The following H2BC1 variants were observed in gnomAD, a reference collection of about 807,000 sequenced individuals.
The protein encoded by H2BC1 is histone H2B type 1-A.
H2BC1 carries 5 observed loss-of-function variants against 5.4 expected under a neutral mutation model. The ratio of observed to expected loss-of-function variants is 0.92; its 90% CI spans 0.48 to 1.94. H2BC1 has a LOEUF of 1.94. Ranked by LOEUF, H2BC1 falls within the 30% of genes most tolerant of loss-of-function variation. H2BC1 has a pLI of 0.01. For synonymous variants in H2BC1, 131 were observed against 58.2 expected (o/e 2.25, Z -5.69); for missense variants, 210 against 159.1 (o/e 1.32, Z -1.72).
rs763918061 is a variant in H2BC1 at position 25,727,004 on chromosome 6, G to A, written c.96G>A (p.Lys32=). Residue 32 remains lysine, a synonymous_variant, in exon 1 of 1, where the codon AAG becomes AAA. Transcript: ENST00000274764. ...AGAAAAAGGAAGGCAAAAAGCGCAA[G>A]AGGACCCGTAAGGAGAGTTATTCTA... The part of the protein sequence containing the change: ...KTQKKEGKKR[K]RTRKESYSIY... 9 of 1,614,200 alleles carry A rather than the reference G, an allele frequency of 5.6e-6. No individual in the cohort carries two copies. Among genetic ancestry groups the A allele is most frequent in the South Asian group, 1.1e-5 (1 of 91,074 alleles).
Position 25,726,798 on chromosome 6 carries a change from T to TA in H2BC1, c.-111_-110insA. 3 of 1,347,764 alleles carry TA rather than the reference T, an allele frequency of 2.2e-6. No homozygotes were observed. Among genetic ancestry groups the TA allele is most frequent in the Non-Finnish European group, 3.0e-6 (3 of 983,966 alleles). The allele number at this position is 1,347,764 out of a possible 1,614,324, so 83.5% of individuals were successfully genotyped here. A position where few individuals can be genotyped will look rare whatever the true frequency, so the allele number is the denominator to read the frequency against. ...TTCTGTTTGTTTACTTGGCGAGACT[T>TA]GGAGCTGAGGTCATTTGGAGCTGTT... On this transcript the variant is annotated 5_prime_UTR_variant, in exon 1 of 1. Coordinates refer to ENST00000274764, the MANE Select transcript of H2BC1 (RefSeq NM_170610.3).
Position 25,727,027 on chromosome 6 carries a change from C to G in H2BC1, c.119C>G (p.Ser40Cys), listed in dbSNP as rs199691595. Residue 40 changes from serine (S) to cysteine (C), a missense_variant, in exon 1 of 1, where the codon TCT (serine) becomes TGT (cysteine). Ser to Cys is a moderately radical substitution (Grantham distance 112). Transcript: ENST00000274764. ...AAGAGGACCCGTAAGGAGAGTTATTCTATTTACATCTACAAAGTGCTAAAG... is the reference window on the plus strand; with the variant it reads ...AAGAGGACCCGTAAGGAGAGTTATTGTATTTACATCTACAAAGTGCTAAAG... ...KRKRTRKESY[S>C]IYIYKVLKQV... 56 of 1,614,088 alleles carry G rather than the reference C, an allele frequency of 3.5e-5. No individual in the cohort carries two copies. The highest frequency in any genetic ancestry group is 3.3e-5 in the Non-Finnish European group (39 of 1,180,038).
rs781045546 is a variant in H2BC1, at chr6:25,726,997, A to G, written c.89A>G (p.Lys30Arg). 146 of 1,614,122 alleles carry G rather than the reference A, an allele frequency of 9.0e-5. No homozygotes were observed. The highest frequency in any genetic ancestry group is 1.2e-4 in the Non-Finnish European group (145 of 1,180,046). The change falls in exon 1 of 1, where the codon AAG (lysine) becomes AGG (arginine). Residue 30 changes from lysine (K) to arginine (R), a missense_variant. By Grantham distance (26) the Lys-to-Arg change is conservative. Transcript: ENST00000274764. ...AAGACCCAGAAAAAGGAAGGCAAAAAGCGCAAGAGGACCCGTAAGGAGAGT... is the reference window on the plus strand; with the variant it reads ...AAGACCCAGAAAAAGGAAGGCAAAAGGCGCAAGAGGACCCGTAAGGAGAGT... Reference protein sequence around the residue: ...VVKTQKKEGKKRKRTRKESYS... With the variant: ...VVKTQKKEGKRRKRTRKESYS...
rs754684914 is a variant in H2BC1, at chr6:25,726,874, A to AT, written c.-35_-34insT. The AT allele has an allele frequency of 1.4e-5, 22 of 1,577,934 alleles. No homozygotes were observed. In the East Asian group the frequency reaches 2.7e-4, roughly 19 times the overall value. Reference sequence around the variant, plus strand: ...GGAAAGTGCTGTGTAACCCTGGAAAAGAACCGTGTAACGCTGCAGAAGTGT... The same window carrying AT: ...GGAAAGTGCTGTGTAACCCTGGAAAATGAACCGTGTAACGCTGCAGAAGTGT... On this transcript the variant is annotated 5_prime_UTR_variant, in exon 1 of 1. The change creates a new upstream start codon in the 5' untranslated region. Transcript: ENST00000274764.
Position 25,726,825 on chromosome 6 carries a change from A to AGTT in H2BC1, c.-84_-83insGTT. ...GAGCTGAGGTCATTTGGAGCTGTTT[A>AGTT]ATACTGAAGAGCTGTTGAGCACTGG... On this transcript the variant is annotated 5_prime_UTR_variant, in exon 1 of 1. Coordinates refer to ENST00000274764, the MANE Select transcript of H2BC1 (RefSeq NM_170610.3). 3 of 1,468,550 alleles carry AGTT rather than the reference A, an allele frequency of 2.0e-6. No individual in the cohort carries two copies. Among genetic ancestry groups the AGTT allele is most frequent in the Non-Finnish European group, 2.8e-6 (3 of 1,088,790 alleles). The allele number at this position is 1,468,550 out of a possible 1,614,324, so 91.0% of individuals were successfully genotyped here.
chr6:25,726,816 G>A lies in H2BC1; in HGVS notation c.-93G>A. ...CGAGACTTGGAGCTGAGGTCATTTGGAGCTGTTTAATACTGAAGAGCTGTT... is the reference window on the plus strand; with the variant it reads ...CGAGACTTGGAGCTGAGGTCATTTGAAGCTGTTTAATACTGAAGAGCTGTT... On this transcript the variant is annotated 5_prime_UTR_variant, in exon 1 of 1. Coordinates refer to ENST00000274764, the MANE Select transcript of H2BC1 (RefSeq NM_170610.3). 7.0e-7 allele frequency: 1 copy of A among 1,419,438 alleles called. No individual in the cohort carries two copies. The highest frequency in any genetic ancestry group is 1.4e-5 in the South Asian group (1 of 71,206). The allele number at this position is 1,419,438 out of a possible 1,614,324, so 87.9% of individuals were successfully genotyped here.
rs768669736 is a variant in H2BC1 at position 25,727,324 on chromosome 6, A to G, written c.*32A>G. The stretch of plus-strand genomic sequence containing the variant: ...TAAGTAAACGTCATTTCTAACCCAA[A>G]GGCTCTTTTCAGAGCCACTTAAACA... On this transcript the variant is annotated 3_prime_UTR_variant, in exon 1 of 1. Transcript: ENST00000274764. 3 of 1,545,774 alleles carry G rather than the reference A, an allele frequency of 1.9e-6. No homozygotes were observed.
In H2BC1 at chr6:25,727,293, G is replaced by A. The variant is rs1273359871; in HGVS notation, c.*1G>A. 4 of 1,587,908 alleles carry A rather than the reference G, an allele frequency of 2.5e-6. No homozygotes were observed. Among genetic ancestry groups the A allele is most frequent in the East Asian group, 2.2e-5 (1 of 44,472 alleles). Reference sequence around the variant, plus strand: ...CACTAAGTACACCAGCTCCAAGTAAGCCTGCTAAGTAAACGTCATTTCTAA... The same window carrying A: ...CACTAAGTACACCAGCTCCAAGTAAACCTGCTAAGTAAACGTCATTTCTAA... On this transcript the variant is annotated 3_prime_UTR_variant, in exon 1 of 1. Coordinates refer to ENST00000274764, the MANE Select transcript of H2BC1 (RefSeq NM_170610.3).
chr6:25,727,053 C>T lies in H2BC1; in HGVS notation c.145C>T (p.Gln49Ter), dbSNP rs1760281412. 6.2e-7 allele frequency: 1 copy of T among 1,614,250 alleles called. No individual in the cohort carries two copies. The highest frequency in any genetic ancestry group is 1.3e-5 in the African/African-American group (1 of 75,078). The change falls in exon 1 of 1, where the codon CAG becomes TAG. Residue 49 changes from glutamine to a stop codon, truncating the protein, a stop_gained. Transcript: ENST00000274764. LOFTEE classifies it high-confidence loss of function. ...TATTTACATCTACAAAGTGCTAAAG[C>T]AGGTCCATCCGGACACTGGCATCTC... ...YSIYIYKVLK[Q>*]VHPDTGISSK... is the part of the protein sequence containing the mutation.
In H2BC1 at chr6:25,726,803, C is replaced by G. The variant is rs368330635; in HGVS notation, c.-106C>G. 21 of 1,363,068 alleles carry G rather than the reference C, an allele frequency of 1.5e-5. No homozygotes were observed. The highest frequency in any genetic ancestry group is 1.4e-4 in the East Asian group (6 of 43,310). 84.4% of individuals were successfully genotyped at this position (1,363,068 alleles called of 1,614,324 possible). A position where few individuals can be genotyped will look rare whatever the true frequency, so the allele number is the denominator to read the frequency against. On this transcript the variant is annotated 5_prime_UTR_variant, in exon 1 of 1. Transcript: ENST00000274764. ...TTTGTTTACTTGGCGAGACTTGGAG[C>G]TGAGGTCATTTGGAGCTGTTTAATA...
Position 25,727,333 on chromosome 6 carries a change from T to C in H2BC1, c.*41T>C, listed in dbSNP as rs1333063525. On this transcript the variant is annotated 3_prime_UTR_variant, in exon 1 of 1. Transcript: ENST00000274764. ...GTCATTTCTAACCCAAAGGCTCTTT[T>C]CAGAGCCACTTAAACATACTGAAAC... 6.6e-7 allele frequency: 1 copy of C among 1,524,412 alleles called. No homozygotes were observed. Among genetic ancestry groups the C allele is most frequent in the Non-Finnish European group, 8.8e-7 (1 of 1,132,430 alleles). 94.4% of individuals were successfully genotyped at this position (1,524,412 alleles called of 1,614,324 possible).
At position 25,726,951 on chromosome 6, in the gene H2BC1, G is replaced by T; in HGVS notation, c.43G>T (p.Gly15Cys). The part of the protein sequence containing the change: ...SSKGATISKK[G>C]FKKAVVKTQK... ...TAAAGGTGCTACCATTTCCAAGAAGGGCTTTAAGAAAGCTGTCGTTAAGAC... is the reference window on the plus strand; with the variant it reads ...TAAAGGTGCTACCATTTCCAAGAAGTGCTTTAAGAAAGCTGTCGTTAAGAC... The change falls in exon 1 of 1, where the codon GGC becomes TGC. Residue 15 changes from glycine (G) to cysteine (C), a missense_variant. By Grantham distance (159) the Gly-to-Cys change is radical (BLOSUM62 -3). Coordinates refer to ENST00000274764, the MANE Select transcript of H2BC1 (RefSeq NM_170610.3). 1.2e-6 allele frequency: 2 copies of T among 1,613,966 alleles called. No individual in the cohort carries two copies. Among genetic ancestry groups the T allele is most frequent in the Non-Finnish European group, 1.7e-6 (2 of 1,180,006 alleles).
In H2BC1 at chr6:25,726,824, T is replaced by C. The variant is rs1760266368; in HGVS notation, c.-85T>C. On this transcript the variant is annotated 5_prime_UTR_variant, in exon 1 of 1. Coordinates refer to ENST00000274764, the MANE Select transcript of H2BC1 (RefSeq NM_170610.3). Reference sequence around the variant, plus strand: ...GGAGCTGAGGTCATTTGGAGCTGTTTAATACTGAAGAGCTGTTGAGCACTG... The same window carrying C: ...GGAGCTGAGGTCATTTGGAGCTGTTCAATACTGAAGAGCTGTTGAGCACTG... 1.4e-6 allele frequency: 2 copies of C among 1,467,428 alleles called. No individual in the cohort carries two copies. The highest frequency in any genetic ancestry group is 1.8e-6 in the Non-Finnish European group (2 of 1,087,696). 90.9% of individuals were successfully genotyped at this position (1,467,428 alleles called of 1,614,324 possible). A position where few individuals can be genotyped will look rare whatever the true frequency, so the allele number is the denominator to read the frequency against.
rs770898763 is a variant in H2BC1 at position 25,727,229 on chromosome 6, G to A, written c.321G>A (p.Glu107=). 11 of 1,613,794 alleles carry A rather than the reference G, an allele frequency of 6.8e-6. No individual in the cohort carries two copies. In the South Asian group the frequency reaches 1.2e-4, roughly 18 times the overall value. ...CAGTGCGCTTGCTACTGCCGGGAGA[G>A]CTGGCTAAACATGCTGTGTCTGAGG... ...QTAVRLLLPG[E]LAKHAVSEGT... is the part of the protein sequence containing the mutation. Residue 107 remains glutamate (E), a synonymous_variant, in exon 1 of 1, where the codon GAG becomes GAA. Coordinates refer to ENST00000274764, the MANE Select transcript of H2BC1 (RefSeq NM_170610.3).
In H2BC1 at chr6:25,727,286, C is replaced by T. The variant is rs767912006; in HGVS notation, c.378C>T (p.Ser126=). Residue 126 remains serine (S), a synonymous_variant, in exon 1 of 1, where the codon TCC becomes TCT. Transcript: ENST00000274764. The stretch of plus-strand genomic sequence containing the variant: ...AGGCTGTCACTAAGTACACCAGCTC[C>T]AAGTAAGCCTGCTAAGTAAACGTCA... ...GTKAVTKYTS[S]K The T allele has an allele frequency of 6.9e-6, 11 of 1,595,844 alleles. No individual in the cohort carries two copies. The highest frequency in any genetic ancestry group is 2.3e-5 in the South Asian group (2 of 88,812).
chr6:25,727,087 C>G lies in H2BC1; in HGVS notation c.179C>G (p.Ala60Gly), dbSNP rs1386372194. 6.2e-7 allele frequency: 1 copy of G among 1,614,120 alleles called. No individual in the cohort carries two copies. The highest frequency in any genetic ancestry group is 1.3e-5 in the African/African-American group (1 of 74,950). The part of the protein sequence containing the change: ...VHPDTGISSK[A>G]MSIMNSFVTD... The stretch of plus-strand genomic sequence containing the variant: ...CCGGACACTGGCATCTCTTCGAAAG[C>G]TATGAGCATTATGAATTCCTTCGTC... The change falls in exon 1 of 1, where the codon GCT becomes GGT. Residue 60 changes from alanine (A) to glycine (G), a missense_variant. Coordinates refer to ENST00000274764, the MANE Select transcript of H2BC1 (RefSeq NM_170610.3).
rs1760268160 is a variant in H2BC1, at chr6:25,726,852, A to G, written c.-57A>G. 2 of 1,545,688 alleles carry G rather than the reference A, an allele frequency of 1.3e-6. No homozygotes were observed. The highest frequency in any genetic ancestry group is 4.5e-5 in the East Asian group (2 of 44,486). ...TACTGAAGAGCTGTTGAGCACTGGA[A>G]AGTGCTGTGTAACCCTGGAAAAGAA... On this transcript the variant is annotated 5_prime_UTR_variant, in exon 1 of 1. Transcript: ENST00000274764.
rs771271271 is a variant in H2BC1, at chr6:25,726,876, A to G, written c.-33A>G. 1.9e-6 allele frequency: 3 copies of G among 1,580,252 alleles called. No individual in the cohort carries two copies. The highest frequency in any genetic ancestry group is 1.8e-5 in the Admixed American group (1 of 55,320). On this transcript the variant is annotated 5_prime_UTR_variant, in exon 1 of 1. Coordinates refer to ENST00000274764, the MANE Select transcript of H2BC1 (RefSeq NM_170610.3). Reference sequence around the variant, plus strand: ...AAAGTGCTGTGTAACCCTGGAAAAGAACCGTGTAACGCTGCAGAAGTGTGT... The same window carrying G: ...AAAGTGCTGTGTAACCCTGGAAAAGGACCGTGTAACGCTGCAGAAGTGTGT...
Position 25,727,075 on chromosome 6 carries a change from T to C in H2BC1, c.167T>C (p.Ile56Thr), listed in dbSNP as rs1189628502. The C allele has an allele frequency of 1.9e-6, 3 of 1,614,256 alleles. No homozygotes were observed. The highest frequency in any genetic ancestry group is 2.5e-6 in the Non-Finnish European group (3 of 1,180,042). The part of the protein sequence containing the change: ...VLKQVHPDTG[I>T]SSKAMSIMNS... ...AAGCAGGTCCATCCGGACACTGGCA[T>C]CTCTTCGAAAGCTATGAGCATTATG... The change falls in exon 1 of 1, where the codon ATC becomes ACC. Residue 56 changes from isoleucine to threonine, a missense_variant. Ile to Thr is a moderately conservative substitution (Grantham distance 89). Transcript: ENST00000274764.
Sources: allele counts gnomAD v4.1 joint callset, GRCh38; gene constraint gnomAD v4.1.1; transcripts MANE v1.5; gene names NCBI Gene and HGNC (gene_info 2026-07-23, HGNC 2026-07-21).